The following COL22A1 variants were observed in gnomAD, a reference collection of about 807,000 sequenced individuals.
COL22A1 encodes collagen alpha-1(XXII) chain.
COL22A1 carries 221 observed loss-of-function variants against 248.9 expected under a neutral mutation model. The ratio of observed to expected loss-of-function variants is 0.89; its 90% CI spans 0.80 to 0.99. The LOEUF is 0.99. COL22A1 is among the 50% of genes least tolerant of loss of function. The pLI is 0.00. For synonymous variants in COL22A1, 891 were observed against 793.4 expected (o/e 1.12, Z -2.07); for missense variants, 2,240 against 2,179.0 (o/e 1.03, Z -0.56).
intron 22 of COL22A1, among the ~76,000 whole-genome samples, chr8:138,737,888 C>T (rs763358513): frequency 7.2e-5 from 11 of 152,028 alleles, no homozygotes; most frequent in East Asian, 1.9e-4. Flanking sequence ...CCAGTCTCAG[C>T]CACTCAGTTC....
intron 50 of COL22A1, among the ~76,000 whole-genome samples, chr8:138,628,760 C>CTTTTTTTT (rs56318714): frequency 8.0e-6 from 1 of 124,294 alleles, no homozygotes; most frequent in Non-Finnish European, 1.6e-5. Flanking sequence ...AGATCCACAT[C>CTTTTTTTT]TTTTTTTTTT....
chr8:138,719,302 G>A (rs1160391552), intron 27 of COL22A1, among the ~76,000 whole-genome samples: 1 of 152,102 alleles, frequency 6.6e-6, no homozygotes, highest in Non-Finnish European at 1.5e-5. Flanking sequence ...ATGTCATGGG[G>A]ATCGGTGTAG....
At chr8:138,707,360 C>A (rs915439440) in intron 30 of COL22A1, among the ~76,000 whole-genome samples, 1 of 152,150 alleles carries the variant, frequency 6.6e-6, no homozygotes, top group Admixed American at 6.5e-5. Context: ...ACCAATATCC[C>A]TGATGAACAT....
chr8:138,886,324 T>C (rs1824664010), intron 1 of COL22A1, among the ~76,000 whole-genome samples: 1 of 152,102 alleles, frequency 6.6e-6, no homozygotes, highest in Non-Finnish European at 1.5e-5. Context: ...CTGCGTCTTA[T>C]TGGTTTCTGT....
chr8:138,646,337 G>A (rs145715948), intron 47 of COL22A1, among the ~76,000 whole-genome samples: 22 of 152,240 alleles, frequency 1.4e-4, no homozygotes, highest in African/African-American at 3.1e-4. Flanking sequence ...AAGTGGAGGC[G>A]TCTGACCACA....
At chr8:138,755,625 C>T (rs1832934932) in intron 19 of COL22A1, 114 bp from the exon 20 acceptor site, 2 of 1,371,470 alleles carry the variant, frequency 1.5e-6, no homozygotes, top group African/African-American at 1.4e-5. Context: ...TGTCGTGCCT[C>T]CTGACTTTTC....
At chr8:138,597,081 G>A (rs1817606855) in intron 61 of COL22A1, 111 bp from the exon 62 acceptor site, 1 of 773,644 alleles carries the variant, frequency 1.3e-6, no homozygotes, top group Non-Finnish European at 2.2e-6. Flanking sequence ...ACCCACACAG[G>A]GAAGCACATG....
chr8:138,838,020 G>A (rs1018859104), intron 4 of COL22A1, among the ~76,000 whole-genome samples: 1 of 152,070 alleles, frequency 6.6e-6, no homozygotes, highest in African/African-American at 2.4e-5. Context: ...GGGGGAGGGG[G>A]TCGCTGCTGA....
chr8:138,669,037 C>T (rs11988391), intron 41 of COL22A1, among the ~76,000 whole-genome samples: 91,449 of 152,044 alleles, frequency 0.6, 30,432 homozygotes, highest in Non-Finnish European at 0.75. Flanking sequence ...GGGGTGCCTC[C>T]AGGAATGCCC....
chr8:138,835,413 G>T (rs927385589), intron 4 of COL22A1, among the ~76,000 whole-genome samples: 4 of 152,200 alleles, frequency 2.6e-5, no homozygotes, highest in Admixed American at 1.3e-4. Context: ...CTCTGGAGAC[G>T]GTTGGTTTGT....
intron 60 of COL22A1, among the ~76,000 whole-genome samples, chr8:138,599,352 G>A (rs1817813606): frequency 1.3e-5 from 2 of 152,102 alleles, no homozygotes; most frequent in African/African-American, 4.8e-5. Flanking sequence ...GGTGGCAGGT[G>A]CCTGTAGTCC....
At chr8:138,649,613 AATG>A (rs1383949006) in intron 46 of COL22A1, 49 bp downstream of exon 46, 7 of 1,574,156 alleles carry the variant, frequency 4.4e-6, no homozygotes, top group South Asian at 2.3e-5. Flanking sequence ...AGATCTCCAG[AATG>A]ATATTTTCAT....
intron 18 of COL22A1, among the ~76,000 whole-genome samples, chr8:138,757,519 A>T (rs4736040): frequency 6.6e-6 from 1 of 152,012 alleles, no homozygotes; most frequent in African/African-American, 2.4e-5. Flanking sequence ...CAATCAACAC[A>T]TGTTTTAATT....
chr8:138,791,811 A>T (rs1234816279), intron 12 of COL22A1, among the ~76,000 whole-genome samples: 1 of 152,146 alleles, frequency 6.6e-6, no homozygotes, highest in Non-Finnish European at 1.5e-5. Context: ...GAAAACCATA[A>T]AAGACAATGA....
Position 138,877,778 on chromosome 8 carries a change from C to T in COL22A1, c.630G>A (p.Arg210=). ...VSDFNAIDKI[R]GKLRRRLCEN... ...CACAAAGACGGCGCCGCAGCTTGCC[C>T]CGGATCTTGTCGATGGCATTGAAGT... Residue 210 remains arginine (R), a synonymous_variant, in exon 3 of 65, where the codon CGG becomes CGA. Coordinates refer to ENST00000303045, the MANE Select transcript of COL22A1 (RefSeq NM_152888.3). 1 of 1,602,746 alleles carries T rather than the reference C, an allele frequency of 6.2e-7. No homozygotes were observed. The highest frequency in any genetic ancestry group is 1.3e-5 in the African/African-American group (1 of 74,696).
At chr8:138,799,433 T>C (rs1816819438) in intron 11 of COL22A1, among the ~76,000 whole-genome samples, 1 of 152,214 alleles carries the variant, frequency 6.6e-6, no homozygotes, top group Non-Finnish European at 1.5e-5. Flanking sequence ...AATATAGCAA[T>C]CCTGGATATT....
intron 22 of COL22A1, among the ~76,000 whole-genome samples, chr8:138,743,388 T>G (rs1222608355): frequency 1.3e-4 from 19 of 151,586 alleles, no homozygotes; most frequent in African/African-American, 4.4e-4. Context: ...ATGATGGTAG[T>G]AGTGATTGTG....
intron 1 of COL22A1, among the ~76,000 whole-genome samples, chr8:138,885,611 C>T (rs923873069): frequency 2.0e-5 from 3 of 152,042 alleles, no homozygotes; most frequent in African/African-American, 7.2e-5. Context: ...GATGGAGTTT[C>T]ACTCTTGTTG....
intron 1 of COL22A1, among the ~76,000 whole-genome samples, chr8:138,900,785 C>T (rs1009893528): frequency 1.2e-4 from 18 of 152,162 alleles, no homozygotes; most frequent in Admixed American, 2.0e-4. Context: ...TCTTAATCAC[C>T]GGGTGTAGCA....
Sources: gnomAD v4.1 joint callset for allele counts (sites outside exome capture counted in the v4.1 genomes callset) on GRCh38, gnomAD v4.1.1 for gene constraint, MANE v1.5 for transcripts, NCBI Gene and HGNC (gene_info 2026-07-23, HGNC 2026-07-21) for gene names.